The following RAB10 variants were observed in gnomAD, a reference collection of about 807,000 sequenced individuals.
The protein encoded by RAB10 is ras-related protein Rab-10.
A neutral mutation model predicts 25.7 loss-of-function variants in RAB10; 5 were observed. The observed-to-expected ratio is 0.19, with a 90% confidence interval of 0.10 to 0.41. The LOEUF (loss-of-function observed/expected upper bound fraction) is 0.41. Ranked by LOEUF, RAB10 falls within the 10% of genes least tolerant of loss-of-function variation. The pLI is 1.00. For missense variants in RAB10, 103 were observed against 245.8 expected (o/e 0.42, Z 3.89); for synonymous variants, 89 against 86.4 (o/e 1.03, Z -0.16).
In RAB10 at chr2:26,056,966, A is replaced by G. The variant is rs372405138; in HGVS notation, c.127+22231A>G. ...TACTATGAAGGACTCTGATCTGACAATAAGCTTGTACTTTGCTATATAGAG... is the reference window on the plus strand; with the variant it reads ...TACTATGAAGGACTCTGATCTGACAGTAAGCTTGTACTTTGCTATATAGAG... On this transcript the variant is annotated intron_variant, in intron 1 of 5. Coordinates refer to ENST00000264710, the MANE Select transcript of RAB10 (RefSeq NM_016131.5). 3.9e-5 allele frequency among the ~76,000 whole-genome samples: 6 copies of G among 152,306 alleles called. No individual in the cohort carries two copies. The East Asian group carries it at 5.8e-4, about 15-fold the overall frequency.
At chr2:26,092,731 A>G (rs1402071640) in intron 1 of RAB10, among the ~76,000 whole-genome samples, 2 of 152,144 alleles carry the variant, frequency 1.3e-5, no homozygotes, top group South Asian at 2.1e-4. Flanking sequence ...CTGAAATAGT[A>G]TCAGTTGTCA....
intron 3 of RAB10, among the ~76,000 whole-genome samples, chr2:26,119,666 C>T (rs1308313684): frequency 4.6e-5 from 7 of 152,038 alleles, no homozygotes; most frequent in African/African-American, 1.7e-4. Context: ...GGACCACAAG[C>T]GTGCTATATC....
chr2:26,122,247 G>T (rs867976319), intron 3 of RAB10, among the ~76,000 whole-genome samples: 2 of 152,236 alleles, frequency 1.3e-5, no homozygotes, highest in Non-Finnish European at 2.9e-5. Flanking sequence ...ACAGCAGGAG[G>T]TGTGAAACCT....
chr2:26,097,547 G>A (rs955721838), intron 1 of RAB10, among the ~76,000 whole-genome samples: 6 of 152,266 alleles, frequency 3.9e-5, no homozygotes, highest in African/African-American at 1.2e-4. Flanking sequence ...CAAAGTGCTG[G>A]GATTACAGGC....
chr2:26,110,338 CA>C (rs11403502), intron 3 of RAB10, among the ~76,000 whole-genome samples: 75 of 123,660 alleles, frequency 6.1e-4, no homozygotes, highest in Admixed American at 5.2e-4. Flanking sequence ...ACTCCGTCTC[CA>C]AAAAAAAAAA....
At chr2:26,051,606 A>G (rs1666134426) in intron 1 of RAB10, among the ~76,000 whole-genome samples, 1 of 151,256 alleles carries the variant, frequency 6.6e-6, no homozygotes, top group East Asian at 1.9e-4. Flanking sequence ...AAAAAAAAAA[A>G]AGCCGGACGT....
At chr2:26,097,989 T>C (rs1354830588) in intron 1 of RAB10, among the ~76,000 whole-genome samples, 1 of 152,112 alleles carries the variant, frequency 6.6e-6, no homozygotes. Flanking sequence ...GCAATATTTT[T>C]CCCCCACTAG....
chr2:26,107,360 G>A (rs1040564055), intron 2 of RAB10, among the ~76,000 whole-genome samples: 6 of 151,076 alleles, frequency 4.0e-5, no homozygotes, highest in Admixed American at 6.6e-5. Context: ...AAAATTAAAA[G>A]CTTCCTCTCT....
At chr2:26,090,343 T>G (rs528855722) in intron 1 of RAB10, among the ~76,000 whole-genome samples, 46 of 152,312 alleles carry the variant, frequency 3.0e-4, no homozygotes, top group African/African-American at 8.4e-4. Context: ...TTAAGGTGGC[T>G]TAGTTTGTTT....
chr2:26,068,956 C>A (rs1449539406), intron 1 of RAB10, among the ~76,000 whole-genome samples: 2 of 152,216 alleles, frequency 1.3e-5, no homozygotes, highest in Non-Finnish European at 2.9e-5. Context: ...TCAGGAACTA[C>A]TGATGCACTG....
At chr2:26,099,124 T>G (rs1667287502) in intron 2 of RAB10, among the ~76,000 whole-genome samples, 1 of 152,256 alleles carries the variant, frequency 6.6e-6, no homozygotes. Context: ...TAGTTTGTGT[T>G]AGGTTTGCCT....
At chr2:26,069,675 C>A (rs889275873) in intron 1 of RAB10, among the ~76,000 whole-genome samples, 2 of 150,208 alleles carry the variant, frequency 1.3e-5, no homozygotes, top group African/African-American at 2.5e-5. Context: ...CCCTACCCCC[C>A]AAAAAAAAAG....
At chr2:26,045,175 G>A (rs115040100) in intron 1 of RAB10, among the ~76,000 whole-genome samples, 193 of 151,880 alleles carry the variant, frequency 1.3e-3, no homozygotes, top group African/African-American at 4.5e-3. Context: ...GGAAATACTG[G>A]TATTCTCGTT....
intron 1 of RAB10, among the ~76,000 whole-genome samples, chr2:26,098,109 CTTTTTTTTTT>C (rs57174956): frequency 2.8e-4 from 15 of 52,724 alleles, no homozygotes; most frequent in African/African-American, 1.1e-3. Flanking sequence ...TTCTTTCTTT[CTTTTTTTTTT>C]TTTTTTTTTT....
At chr2:26,123,360 C>T (rs1466077054) in intron 3 of RAB10, among the ~76,000 whole-genome samples, 2 of 152,142 alleles carry the variant, frequency 1.3e-5, no homozygotes, top group African/African-American at 4.8e-5. Flanking sequence ...GTTAATAACA[C>T]ACGGTACTCT....
rs1325091983 is a variant in RAB10, at chr2:26,135,816, C to T, written c.*795C>T. The T allele has an allele frequency of 6.6e-6, 1 of 152,650 alleles. No individual in the cohort carries two copies. Among genetic ancestry groups the T allele is most frequent in the Non-Finnish European group, 1.5e-5 (1 of 68,066 alleles). The allele number at this position is 152,650 out of a possible 1,614,324, so 9.5% of individuals were successfully genotyped here. On this transcript the variant is annotated 3_prime_UTR_variant, in exon 6 of 6. Coordinates refer to ENST00000264710, the MANE Select transcript of RAB10 (RefSeq NM_016131.5). ...TGCATGCTGCTTTATTTGCTTCTCCCTCCCCAACCACCTCATGGTATATTT... is the reference window on the plus strand; with the variant it reads ...TGCATGCTGCTTTATTTGCTTCTCCTTCCCCAACCACCTCATGGTATATTT...
At chr2:26,066,825 C>G (rs980352977) in intron 1 of RAB10, among the ~76,000 whole-genome samples, 1 of 146,146 alleles carries the variant, frequency 6.8e-6, no homozygotes, top group African/African-American at 2.6e-5. Flanking sequence ...CTCTGTCACC[C>G]AGGCTGAAGT....
intron 1 of RAB10, among the ~76,000 whole-genome samples, chr2:26,090,373 CTATT>C (rs916024955): frequency 1.3e-5 from 2 of 151,276 alleles, no homozygotes; most frequent in African/African-American, 4.9e-5. Flanking sequence ...CTTTTATAAA[CTATT>C]TCTGGTATTT....
At chr2:26,087,094 T>G (rs974080253) in intron 1 of RAB10, among the ~76,000 whole-genome samples, 1 of 152,182 alleles carries the variant, frequency 6.6e-6, no homozygotes, top group Non-Finnish European at 1.5e-5. Flanking sequence ...TTTCTTTTTT[T>G]TTGTTCGCTT....
Sources: gnomAD v4.1 joint callset for allele counts (sites outside exome capture counted in the v4.1 genomes callset) on GRCh38, gnomAD v4.1.1 for gene constraint, MANE v1.5 for transcripts, NCBI Gene and HGNC (gene_info 2026-07-23, HGNC 2026-07-21) for gene names.